Variants in TEX14 observed in about 807,000 individuals in gnomAD.
TEX14 encodes testis expressed 14, intercellular bridge forming factor, also known as inactive serine/threonine-protein kinase TEX14.
In TEX14, 168 loss-of-function variants were observed where a neutral mutation model predicts 178.6. That is an observed-to-expected ratio of 0.94 (90% confidence interval 0.83 to 1.07). The LOEUF is 1.07. Among genes scored for constraint, TEX14 ranks in the 50% least tolerant of loss-of-function variants. The pLI is 0.00. For missense variants in TEX14, 1,730 were observed against 1,753.6 expected, an observed-to-expected ratio of 0.99 and a Z score of 0.24; for synonymous variants, 626 against 634.1, an observed-to-expected ratio of 0.99 and a Z score of 0.19.
chr17:58,579,527 C>A, intron 20 of TEX14, 138 bp downstream of exon 20: 1 of 674,456 alleles, frequency 1.5e-6, no homozygotes, highest in Non-Finnish European at 2.6e-6. Flanking sequence ...ATCATTGAAC[C>A]TTGGTTTTCT....
rs752535970 is a variant in TEX14, at chr17:58,565,786, G to C, written c.3925C>G (p.His1309Asp). The part of the protein sequence containing the change: ...KQQQGSSTVL[H>D]ENTASDGGGT... ...CCTCCATCACTTGCTGTGTTCTCAT[G>C]CAACACCGTGGATGAGCCCTGCTGC... Residue 1309 changes from histidine to aspartate, a missense_variant, in exon 27 of 32, where the codon CAT becomes GAT. This residue lies in a region of TEX14 where 941 missense variants were observed against 1,072.4 expected (regional missense o/e 0.88). Transcript: ENST00000349033. 4 of 1,610,112 alleles carry C rather than the reference G, an allele frequency of 2.5e-6. No individual in the cohort carries two copies. The South Asian group carries it at 4.5e-5, about 18-fold the overall frequency.
intron 1 of TEX14, among the ~76,000 whole-genome samples, chr17:58,678,137 G>A (rs763288433): frequency 4.6e-5 from 7 of 152,210 alleles, no homozygotes; most frequent in Non-Finnish European, 8.8e-5. Flanking sequence ...GCGACAGAGC[G>A]AGACTCCAAC....
intron 2 of TEX14, among the ~76,000 whole-genome samples, chr17:58,632,308 A>T (rs1461659034): frequency 6.6e-6 from 1 of 152,206 alleles, no homozygotes; most frequent in Non-Finnish European, 1.5e-5. Flanking sequence ...CCACACACTT[A>T]AATATTTTGT....
At chr17:58,683,430 T>C (rs2047535494) in intron 1 of TEX14, among the ~76,000 whole-genome samples, 1 of 147,988 alleles carries the variant, frequency 6.8e-6, no homozygotes, top group South Asian at 2.1e-4. Context: ...AGTAAACATA[T>C]AAAATCTTTA....
chr17:58,667,053 G>A (rs2047226228), intron 1 of TEX14, among the ~76,000 whole-genome samples: 1 of 152,134 alleles, frequency 6.6e-6, no homozygotes. Context: ...TGACAAAAAC[G>A]CACCACCTCA....
intron 1 of TEX14, among the ~76,000 whole-genome samples, chr17:58,678,155 G>A (rs1005248839): frequency 2.6e-5 from 4 of 151,624 alleles, no homozygotes; most frequent in African/African-American, 9.7e-5. Context: ...AACTCAAGGG[G>A]GAAAAAAAAG....
intron 28 of TEX14, 22 bp from the exon 29 acceptor site, chr17:58,561,634 G>T (rs2044275402): frequency 2.6e-6 from 4 of 1,518,308 alleles, no homozygotes; most frequent in Non-Finnish European, 3.7e-6. Context: ...CAAGTGAAGA[G>T]AATGGAGACA....
chr17:58,652,124 T>G, intron 1 of TEX14, 122 bp from the exon 2 acceptor site: 3 of 704,596 alleles, frequency 4.3e-6, no homozygotes, highest in Non-Finnish European at 6.5e-6. Flanking sequence ...ATTAGGGGAA[T>G]AATTATTGAA....
At chr17:58,597,582 C>T (rs994626132) in intron 14 of TEX14, among the ~76,000 whole-genome samples, 21 of 152,254 alleles carry the variant, frequency 1.4e-4, no homozygotes, top group South Asian at 1.0e-3. Flanking sequence ...CCACCCGCAT[C>T]TTGACATCTC....
chr17:58,659,639 G>A lies in TEX14; in HGVS notation c.-1-7637C>T, dbSNP rs142136185. Among the ~76,000 whole-genome samples, 516 of 152,316 alleles carry A rather than the reference G, an allele frequency of 3.4e-3. 2 individuals are homozygous for A. The highest frequency in any genetic ancestry group is 0.01 in the Middle Eastern group (3 of 294). ...CAAAAGAAATCGCATTGTGTGATAA[G>A]AAATTTTTTTTCTTTTTTCTGCACA... On this transcript the variant is annotated intron_variant, in intron 1 of 31. Coordinates refer to ENST00000349033, the MANE Select transcript of TEX14 (RefSeq NM_031272.5).
chr17:58,591,089 A>G (rs932852619), intron 15 of TEX14, among the ~76,000 whole-genome samples: 6 of 152,140 alleles, frequency 3.9e-5, no homozygotes, highest in Non-Finnish European at 8.8e-5. Context: ...GGAGGCCACA[A>G]CAACTATGGG....
chr17:58,649,155 C>T (rs1405651004), intron 2 of TEX14, among the ~76,000 whole-genome samples: 2 of 150,504 alleles, frequency 1.3e-5, no homozygotes, highest in African/African-American at 2.5e-5. Flanking sequence ...TCTCGGCTCA[C>T]GGCAACCTCC....
At chr17:58,659,251 C>T (rs117643324) in intron 1 of TEX14, 4 of 694,864 alleles carry the variant, frequency 5.8e-6, no homozygotes, top group East Asian at 1.4e-4. Context: ...AAACCCTCCC[C>T]CAAGAAAAAC....
intron 24 of TEX14, 84 bp from the exon 25 acceptor site, chr17:58,570,568 GTTGA>G (rs1485665487): frequency 1.5e-6 from 1 of 673,288 alleles, no homozygotes; most frequent in Admixed American, 4.3e-5. Context: ...CAGTTGTTTT[GTTGA>G]TTAAGTCAAA....
At chr17:58,648,786 CTTTTTTTTT>C (rs34918333) in intron 2 of TEX14, among the ~76,000 whole-genome samples, 6 of 89,710 alleles carry the variant, frequency 6.7e-5, no homozygotes, top group African/African-American at 2.1e-4. Flanking sequence ...CTTTTTTTTT[CTTTTTTTTT>C]TTTTTTTTTT....
intron 13 of TEX14, among the ~76,000 whole-genome samples, chr17:58,600,610 T>C (rs2045410573): frequency 6.7e-6 from 1 of 149,936 alleles, no homozygotes; most frequent in Non-Finnish European, 1.5e-5. Flanking sequence ...CATTACATTA[T>C]GGGAGTAATG....
At chr17:58,582,637 C>T (rs187940901) in intron 19 of TEX14, among the ~76,000 whole-genome samples, 15 of 149,800 alleles carry the variant, frequency 1.0e-4, no homozygotes, top group African/African-American at 3.7e-4. Flanking sequence ...GATCTCGGCT[C>T]ACTGCAGCCT....
intron 1 of TEX14, among the ~76,000 whole-genome samples, chr17:58,673,209 G>A (rs1037792017): frequency 9.2e-5 from 14 of 151,716 alleles, no homozygotes; most frequent in Admixed American, 3.9e-4. Flanking sequence ...GGCAGGGCGC[G>A]GTAGCTTATG....
chr17:58,683,052 C>CAAAAAAAAAAAAA (rs1194798521), intron 1 of TEX14, among the ~76,000 whole-genome samples: 43 of 54,034 alleles, frequency 8.0e-4, no homozygotes, highest in African/African-American at 2.9e-3. Context: ...GAGTCTGTCT[C>CAAAAAAAAAAAAA]AAAAAAAAAA....
Sources: allele counts gnomAD v4.1 joint callset (sites outside exome capture counted in the v4.1 genomes callset), GRCh38; gene constraint gnomAD v4.1.1; regional missense constraint gnomAD v4.1.1; transcripts MANE v1.5; gene names NCBI Gene and HGNC (gene_info 2026-07-23, HGNC 2026-07-21).